The following SEMA3E variants were observed in gnomAD, a reference collection of about 807,000 sequenced individuals.
The protein encoded by SEMA3E is semaphorin-3E.
Under a neutral mutation model 93.6 loss-of-function variants are expected in SEMA3E, and 49 were observed. The observed-to-expected ratio is 0.52, with a 90% confidence interval of 0.42 to 0.66. SEMA3E has a LOEUF of 0.66. SEMA3E is among the 30% of genes least tolerant of loss of function. SEMA3E has a pLI of 0.00. For missense variants in SEMA3E, 906 were observed against 964.8 expected, an observed-to-expected ratio of 0.94 and a Z score of 0.81; for synonymous variants, 363 against 330.7, an observed-to-expected ratio of 1.10 and a Z score of -1.06.
At chr7:83,536,915 A>G (rs1404623510) in intron 1 of SEMA3E, among the ~76,000 whole-genome samples, 4 of 152,094 alleles carry the variant, frequency 2.6e-5, no homozygotes. Flanking sequence ...AACCCCAAAT[A>G]TCACTATATT....
chr7:83,372,564 A>G (rs1794763440), intron 16 of SEMA3E: 1 of 290,852 alleles, frequency 3.4e-6, no homozygotes, highest in East Asian at 5.5e-5. Context: ...AAAAAAAATC[A>G]GAAACCCAAG....
intron 2 of SEMA3E, among the ~76,000 whole-genome samples, chr7:83,472,186 G>A (rs889341986): frequency 6.6e-6 from 1 of 152,104 alleles, no homozygotes; most frequent in Admixed American, 6.6e-5. Flanking sequence ...ACTGCTCTCC[G>A]AAATGGCTAC....
chr7:83,593,067 C>T (rs754287364), intron 1 of SEMA3E, among the ~76,000 whole-genome samples: 11 of 152,104 alleles, frequency 7.2e-5, no homozygotes, highest in Non-Finnish European at 1.0e-4. Flanking sequence ...ATCCTCTCAC[C>T]TCAGCCTCCA....
chr7:83,399,729 C>A (rs1287818987), intron 11 of SEMA3E, among the ~76,000 whole-genome samples: 14 of 152,100 alleles, frequency 9.2e-5, no homozygotes, highest in Admixed American at 9.2e-4. Context: ...ATGCAAGCCC[C>A]AAATCCTCTC....
intron 4 of SEMA3E, among the ~76,000 whole-genome samples, chr7:83,447,823 T>C (rs1254861765): frequency 6.6e-6 from 1 of 152,170 alleles, no homozygotes; most frequent in Middle Eastern, 3.2e-3. Flanking sequence ...AACAGTAGGA[T>C]AACAAAAAGA....
intron 1 of SEMA3E, among the ~76,000 whole-genome samples, chr7:83,533,807 T>A (rs1406273856): frequency 6.6e-6 from 1 of 152,032 alleles, no homozygotes; most frequent in Non-Finnish European, 1.5e-5. Context: ...GAAAGATATT[T>A]GGAATTGTGG....
intron 4 of SEMA3E, among the ~76,000 whole-genome samples, chr7:83,440,851 T>C (rs1025432607): frequency 6.8e-6 from 1 of 147,362 alleles, no homozygotes; most frequent in East Asian, 2.0e-4. Flanking sequence ...CAGCAGTGAG[T>C]AGCCCAGATG....
At chr7:83,599,020 A>G (rs1792931620) in intron 1 of SEMA3E, among the ~76,000 whole-genome samples, 1 of 152,218 alleles carries the variant, frequency 6.6e-6, no homozygotes, top group South Asian at 2.1e-4. Flanking sequence ...AAATTTGCCT[A>G]AATATTTAAA....
intron 4 of SEMA3E, among the ~76,000 whole-genome samples, chr7:83,454,132 C>T (rs1044363497): frequency 2.0e-5 from 3 of 150,636 alleles, no homozygotes; most frequent in Admixed American, 2.0e-4. Context: ...GTGGCGGGCT[C>T]TTGTAGTCCC....
intron 2 of SEMA3E, among the ~76,000 whole-genome samples, chr7:83,478,387 AT>A (rs1383806599): frequency 6.6e-6 from 1 of 152,184 alleles, no homozygotes; most frequent in Admixed American, 6.5e-5. Flanking sequence ...AAACATTTTC[AT>A]TTTTTATTTT....
intron 1 of SEMA3E, among the ~76,000 whole-genome samples, chr7:83,559,386 A>C (rs1791981390): frequency 2.0e-5 from 3 of 152,118 alleles, no homozygotes; most frequent in Admixed American, 2.0e-4. Context: ...GTCAGGAAAT[A>C]ACACTTTTAA....
At chr7:83,519,582 C>A (rs949562480) in intron 1 of SEMA3E, among the ~76,000 whole-genome samples, 3 of 152,224 alleles carry the variant, frequency 2.0e-5, no homozygotes, top group African/African-American at 7.2e-5. Context: ...CTTCAAGATT[C>A]ATACCAAACT....
At chr7:83,428,769 A>G (rs1036526358) in intron 4 of SEMA3E, among the ~76,000 whole-genome samples, 1 of 152,158 alleles carries the variant, frequency 6.6e-6, no homozygotes, top group African/African-American at 2.4e-5. Context: ...AAAAAGTAAT[A>G]TATTTGTATC....
chr7:83,606,091 C>G (rs146522351), intron 1 of SEMA3E, among the ~76,000 whole-genome samples: 1 of 152,268 alleles, frequency 6.6e-6, no homozygotes, highest in East Asian at 1.9e-4. Context: ...GCAATCATTA[C>G]ATGTTTTGTC....
At position 83,408,387 on chromosome 7, in the gene SEMA3E, G is replaced by A. The variant is rs766680673; in HGVS notation, c.651C>T (p.Asp217=). ...GRLAHIRTEH[D]DERLLKEPKF... Reference sequence around the variant, plus strand: ...CCTTACCTTTCAACAGACGCTCATCGTCATGCTCAGTGCGGATATGGGCCA... The same window carrying A: ...CCTTACCTTTCAACAGACGCTCATCATCATGCTCAGTGCGGATATGGGCCA... Residue 217 remains aspartate (D), a synonymous_variant, in exon 6 of 17, where the codon GAC becomes GAT. Coordinates refer to ENST00000643230, the MANE Select transcript of SEMA3E (RefSeq NM_012431.3). The A allele has an allele frequency of 2.0e-5, 33 of 1,613,590 alleles. No individual in the cohort carries two copies. The African/African-American group carries it at 3.2e-4, about 16-fold the overall frequency.
At chr7:83,639,262 A>C (rs750513630) in intron 1 of SEMA3E, among the ~76,000 whole-genome samples, 1 of 151,872 alleles carries the variant, frequency 6.6e-6, no homozygotes, top group Non-Finnish European at 1.5e-5. Context: ...TCCAGTTTCC[A>C]TCTCCTTTCT....
In SEMA3E at chr7:83,406,159, T is replaced by C. The variant is rs1027867412; in HGVS notation, c.814-100A>G. Reference sequence around the variant, plus strand: ...TGCAGTTGCCAAGAGTTATGACTTTTTTATTTAACTAGGAAAATTTGGCAT... The same window carrying C: ...TGCAGTTGCCAAGAGTTATGACTTTCTTATTTAACTAGGAAAATTTGGCAT... On this transcript the variant is annotated intron_variant, in intron 7 of 16. Coordinates refer to ENST00000643230, the MANE Select transcript of SEMA3E (RefSeq NM_012431.3). The C allele has an allele frequency of 3.4e-5, 29 of 848,808 alleles. 1 individual carries two copies. The South Asian group carries it at 3.8e-4, about 11-fold the overall frequency. 52.6% of individuals were successfully genotyped at this position (848,808 alleles called of 1,614,324 possible).
chr7:83,620,762 GAC>G (rs1258711983), intron 1 of SEMA3E, among the ~76,000 whole-genome samples: 2 of 152,030 alleles, frequency 1.3e-5, no homozygotes, highest in African/African-American at 4.8e-5. Context: ...TTTCTCAATA[GAC>G]ACAGAAAAGG....
intron 2 of SEMA3E, among the ~76,000 whole-genome samples, chr7:83,479,835 C>G (rs779582527): frequency 3.3e-5 from 5 of 152,092 alleles, no homozygotes; most frequent in African/African-American, 4.8e-5. Context: ...AAAAAGTCCT[C>G]TAATATAATT....
Sources: allele counts gnomAD v4.1 joint callset (sites outside exome capture counted in the v4.1 genomes callset), GRCh38; gene constraint gnomAD v4.1.1; transcripts MANE v1.5; gene names NCBI Gene and HGNC (gene_info 2026-07-23, HGNC 2026-07-21).